CAPN3: variants seen among roughly 807,000 people sequenced by gnomAD.
The protein encoded by CAPN3 is calpain-3.
Under a neutral mutation model 114.0 loss-of-function variants are expected in CAPN3, and 88 were observed. The ratio of observed to expected loss-of-function variants is 0.77; its 90% CI spans 0.65 to 0.92. The LOEUF (loss-of-function observed/expected upper bound fraction) is 0.92. Ranked by LOEUF, CAPN3 falls within the 40% of genes least tolerant of loss-of-function variation. CAPN3 has a pLI of 0.00. For missense variants in CAPN3, 1,028 were observed against 1,069.0 expected (o/e 0.96, Z 0.53); for synonymous variants, 386 against 382.9 (o/e 1.01, Z -0.09).
chr15:42,390,790 G>GTTTTTTTTTTTTTTTTTTTTTTT (rs373599109), intron 6 of CAPN3, among the ~76,000 whole-genome samples: 7 of 110,298 alleles, frequency 6.3e-5, no homozygotes, highest in East Asian at 2.6e-4. Context: ...TTGTTTTTTT[G>GTTTTTTTTTTTTTTTTTTTTTTT]TTTTTTTTTT....
intron 1 of CAPN3, among the ~76,000 whole-genome samples, chr15:42,371,879 G>A (rs552220656): frequency 9.2e-5 from 14 of 151,752 alleles, no homozygotes; most frequent in Non-Finnish European, 1.5e-4. Flanking sequence ...CAGGAGAATC[G>A]CTTGAACCCA....
chr15:42,401,823 G>A lies in CAPN3; in HGVS notation c.1524+13G>A. 2.5e-6 allele frequency: 4 copies of A among 1,610,406 alleles called. No individual in the cohort carries two copies. The highest frequency in any genetic ancestry group is 2.5e-6 in the Non-Finnish European group (3 of 1,178,186). ...CGCCATCTACGAGGTGTGCAGTCCT[G>A]ATTGGCTCCAGCCCAGGAAACATAC... is the stretch of plus-strand genomic sequence containing the variant. On this transcript the variant is annotated intron_variant, in intron 11 of 23. Coordinates refer to ENST00000397163, the MANE Select transcript of CAPN3 (RefSeq NM_000070.3).
intron 11 of CAPN3, 74 bp downstream of exon 11, chr15:42,401,884 GGGCC>G (rs1418893276): frequency 2.6e-6 from 4 of 1,515,426 alleles, no homozygotes; most frequent in Non-Finnish European, 3.6e-6. Flanking sequence ...GCTTCTAGAG[GGGCC>G]CTCTGGCTTC....
Position 42,412,277 on chromosome 15 carries a change from G to GAAAAA in CAPN3, c.*506_*510dup, listed in dbSNP as rs2054285493. ...CAACTCATAAGTTTGGCTGCATTTT[G>GAAAAA]AAAAAAGCTGATCTAAATAAAGGCA... On this transcript the variant is annotated 3_prime_UTR_variant, in exon 24 of 24. Coordinates refer to ENST00000397163, the MANE Select transcript of CAPN3 (RefSeq NM_000070.3). 1 of 1,206,152 alleles carries GAAAAA rather than the reference G, an allele frequency of 8.3e-7. No individual in the cohort carries two copies. Among genetic ancestry groups the GAAAAA allele is most frequent in the Non-Finnish European group, 1.2e-6 (1 of 861,934 alleles). 74.7% of individuals were successfully genotyped at this position (1,206,152 alleles called of 1,614,324 possible).
In CAPN3 at chr15:42,405,854, C is replaced by G. The variant is rs372640490; in HGVS notation, c.1783-72C>G. The G allele has an allele frequency of 1.3e-4, 174 of 1,293,662 alleles. 1 individual carries two copies. The East Asian group carries it at 3.2e-3, about 23-fold the overall frequency. The allele number at this position is 1,293,662 out of a possible 1,614,324, so 80.1% of individuals were successfully genotyped here. ...GCTAAAGACCAGGATACAGGGAAGC[C>G]AAAAGCCACTGGCGGTTCTGAGAAC... On this transcript the variant is annotated intron_variant, in intron 14 of 23. Transcript: ENST00000397163.
In CAPN3 at chr15:42,401,772, G is replaced by A. The variant is rs761637940; in HGVS notation, c.1486G>A (p.Gly496Arg). The A allele has an allele frequency of 1.2e-6, 2 of 1,614,070 alleles. No individual in the cohort carries two copies. Among genetic ancestry groups the A allele is most frequent in the Non-Finnish European group, 8.5e-7 (1 of 1,179,974 alleles). The change falls in exon 11 of 24, where the codon GGG (glycine) becomes AGG (arginine). Residue 496 changes from glycine to arginine, a missense_variant. Physicochemically the swap from Gly to Arg is moderately radical, Grantham distance 125. Transcript: ENST00000397163. The part of the protein sequence containing the change: ...QKNRRKDRKL[G>R]ASLFTIGFAI... ...GAACCGGCGGAAGGACCGGAAGCTA[G>A]GGGCCAGTCTCTTCACCATTGGCTT...
intron 1 of CAPN3, among the ~76,000 whole-genome samples, chr15:42,381,217 G>C (rs1208470357): frequency 6.6e-6 from 1 of 151,602 alleles, no homozygotes. Flanking sequence ...TTCCTCTCCA[G>C]TGCTCTTCCT....
intron 5 of CAPN3, 34 bp from the exon 6 acceptor site, chr15:42,389,919 T>C: frequency 6.2e-7 from 1 of 1,612,944 alleles, no homozygotes; most frequent in Non-Finnish European, 8.5e-7. Flanking sequence ...CTCCCTCCCC[T>C]GTGTTGTTCC....
At chr15:42,389,227 C>G (rs1210246318) in intron 5 of CAPN3, 131 bp downstream of exon 5, 6 of 849,992 alleles carry the variant, frequency 7.1e-6, no homozygotes, top group Non-Finnish European at 1.1e-5. Flanking sequence ...GGAACTGGCT[C>G]TCAACTTTGA....
intron 16 of CAPN3, 42 bp from the exon 17 acceptor site, chr15:42,409,261 C>T (rs1282111782): frequency 6.3e-7 from 1 of 1,598,286 alleles, no homozygotes. Flanking sequence ...GGCCTGTGCA[C>T]CTCTGACCCC....
intron 1 of CAPN3, among the ~76,000 whole-genome samples, chr15:42,369,324 GATCA>G (rs1260393074): frequency 1.3e-5 from 2 of 152,114 alleles, no homozygotes; most frequent in African/African-American, 4.8e-5. Context: ...GGCAGTTTTT[GATCA>G]AGGGGCACTT....
chr15:42,376,516 CTG>C (rs971730939), intron 1 of CAPN3, among the ~76,000 whole-genome samples: 2 of 150,272 alleles, frequency 1.3e-5, no homozygotes, highest in Admixed American at 6.6e-5. Context: ...CAGTTGGCTC[CTG>C]TGTCTATTTA....
At chr15:42,397,839 A>G (rs2053745350) in intron 9 of CAPN3, among the ~76,000 whole-genome samples, 2 of 152,188 alleles carry the variant, frequency 1.3e-5, no homozygotes, top group African/African-American at 4.8e-5. Context: ...CCTGGTCAAC[A>G]TATGGGACCC....
intron 2 of CAPN3, among the ~76,000 whole-genome samples, chr15:42,384,900 A>G (rs551741005): frequency 6.6e-6 from 1 of 152,328 alleles, no homozygotes; most frequent in East Asian, 1.9e-4. Context: ...TGCACCAAGC[A>G]TGCCCCTTGG....
chr15:42,409,774 C>A lies in CAPN3; in HGVS notation c.1993-13C>A. ...ACTCCTGAACCATGACCCTCCTCTC[C>A]CTTCCTCCTCAGGACATGGAGATCT... is the stretch of plus-strand genomic sequence containing the variant. On this transcript the variant is annotated splice_polypyrimidine_tract_variant and intron_variant, in intron 17 of 23. Transcript: ENST00000397163. The A allele has an allele frequency of 6.2e-7, 1 of 1,613,298 alleles. No homozygotes were observed. The highest frequency in any genetic ancestry group is 1.1e-5 in the South Asian group (1 of 91,058).
rs777056130 is a variant in CAPN3, at chr15:42,409,394, A to G, written c.1992+14A>G. On this transcript the variant is annotated intron_variant, in intron 17 of 23. Transcript: ENST00000397163. Reference sequence around the variant, plus strand: ...ATAGCAGGAGATGTGAGTACCTCCAAGCCCAGGACGCCCACAGGTGCTTCC... The same window carrying G: ...ATAGCAGGAGATGTGAGTACCTCCAGGCCCAGGACGCCCACAGGTGCTTCC... 5.0e-6 allele frequency: 8 copies of G among 1,610,110 alleles called. No individual in the cohort carries two copies. The Admixed American group carries it at 1.3e-4, about 27-fold the overall frequency.
At chr15:42,402,390 C>T (rs988371336) in intron 12 of CAPN3, 11 of 1,446,672 alleles carry the variant, frequency 7.6e-6, no homozygotes, top group Non-Finnish European at 9.0e-6. Context: ...TGCACACTCA[C>T]CCTCCTCCAC....
At chr15:42,405,426 T>G (rs2141209077) in intron 14 of CAPN3, among the ~76,000 whole-genome samples, 1 of 152,282 alleles carries the variant, frequency 6.6e-6, no homozygotes, top group Non-Finnish European at 1.5e-5. Flanking sequence ...TTCTCCTGCC[T>G]CAGCCTCCTG....
At chr15:42,410,323 G>T in intron 19 of CAPN3, 105 bp from the exon 20 acceptor site, 6 of 1,019,606 alleles carry the variant, frequency 5.9e-6, no homozygotes, top group Non-Finnish European at 9.3e-6. Context: ...GGGTTAAATA[G>T]TACAACAGGG....
Sources: gnomAD v4.1 joint callset for allele counts (sites outside exome capture counted in the v4.1 genomes callset) on GRCh38, gnomAD v4.1.1 for gene constraint, MANE v1.5 for transcripts, NCBI Gene and HGNC (gene_info 2026-07-23, HGNC 2026-07-21) for gene names.